The following SGCD variants were observed in gnomAD, a reference collection of about 807,000 sequenced individuals.
SGCD encodes the protein sarcoglycan delta.
SGCD carries 18 observed loss-of-function variants against 36.6 expected under a neutral mutation model. That is an observed-to-expected ratio of 0.49 (90% confidence interval 0.34 to 0.73). The LOEUF (loss-of-function observed/expected upper bound fraction) is 0.73. SGCD is among the 30% of genes least tolerant of loss of function. The pLI is 0.01. For synonymous variants in SGCD, 133 were observed against 130.6 expected, an observed-to-expected ratio of 1.02 and a Z score of -0.12; for missense variants, 387 against 346.7, an observed-to-expected ratio of 1.12 and a Z score of -0.92.
At chr5:155,821,404 A>C in the SGCD span, among the ~76,000 whole-genome samples, 1 of 152,012 alleles carries the variant, frequency 6.6e-6, no homozygotes, top group African/African-American at 2.4e-5. Context: ...AACTCTGCCT[A>C]CCAGGTTCAC....
In SGCD at chr5:155,991,365, A is replaced by G. The variant is rs144472546; in HGVS notation, c.-282+120941A>G. 4.4e-3 allele frequency among the ~76,000 whole-genome samples: 669 copies of G among 152,276 alleles called. 8 individuals are homozygous for G. The highest frequency in any genetic ancestry group is 0.015 in the African/African-American group (607 of 41,542). ...AGCATCTTTGTGTAATTGATGGGTT[A>G]GTATCTCAAGTACCGAGCTGTTTCT... On this transcript the variant is annotated intron_variant, in intron 1 of 9. Transcript: ENST00000517913.
intron 3 of SGCD, among the ~76,000 whole-genome samples, chr5:156,350,528 A>G (rs913408390): frequency 6.6e-6 from 1 of 152,064 alleles, no homozygotes; most frequent in Admixed American, 6.6e-5. Flanking sequence ...GAGCCTTTCC[A>G]GTAAAGCAAT....
chr5:156,581,274 G>C (rs1288616585), intron 4 of SGCD, among the ~76,000 whole-genome samples: 1 of 152,126 alleles, frequency 6.6e-6, no homozygotes, highest in African/African-American at 2.4e-5. Context: ...ATTGCTGCCT[G>C]ATCCTTCTTC....
At chr5:156,465,125 C>T (rs78222569) in intron 3 of SGCD, among the ~76,000 whole-genome samples, 1,987 of 152,068 alleles carry the variant, frequency 0.013, 37 homozygotes, top group African/African-American at 0.043. Flanking sequence ...CAGGGAGGGG[C>T]GTGTGTGATT....
In SGCD at chr5:156,180,520, G is replaced by A. The variant is rs542851406; in HGVS notation, c.-44+56501G>A. The stretch of plus-strand genomic sequence containing the variant: ...TAATAAAAAATCAATATATGCTCCA[G>A]CTACAAATATTAAGAAAATGAAAAT... On this transcript the variant is annotated intron_variant, in intron 3 of 9. Transcript: ENST00000517913. Among the ~76,000 whole-genome samples the A allele has an allele frequency of 2.1e-4, 32 of 152,214 alleles. No homozygotes were observed. The South Asian group carries it at 6.6e-3, about 32-fold the overall frequency.
intron 3 of SGCD, among the ~76,000 whole-genome samples, chr5:156,308,363 A>G (rs1167418047): frequency 6.6e-6 from 1 of 151,314 alleles, no homozygotes; most frequent in Non-Finnish European, 1.5e-5. Context: ...CAGTGGCGCA[A>G]TCTCGGCTCA....
chr5:156,057,827 G>T (rs1760099711), intron 1 of SGCD, among the ~76,000 whole-genome samples: 2 of 145,082 alleles, frequency 1.4e-5, no homozygotes, highest in Admixed American at 6.9e-5. Context: ...GAGTACCTAA[G>T]AATGCTAAAA....
chr5:155,800,762 A>G, the SGCD span, among the ~76,000 whole-genome samples: 1 of 151,678 alleles, frequency 6.6e-6, no homozygotes, highest in Non-Finnish European at 1.5e-5. Context: ...AATTCTTACT[A>G]TTGTCTTTTC....
intron 3 of SGCD, among the ~76,000 whole-genome samples, chr5:156,460,109 A>T (rs1483851584): frequency 6.6e-6 from 1 of 152,144 alleles, no homozygotes. Context: ...GAAGGCAGTT[A>T]ATTTCCTGTT....
At chr5:156,185,989 C>T (rs897255471) in intron 3 of SGCD, among the ~76,000 whole-genome samples, 7 of 148,018 alleles carry the variant, frequency 4.7e-5, no homozygotes, top group Non-Finnish European at 6.0e-5. Context: ...GATCTGTGAT[C>T]GGAATAACGA....
At chr5:156,533,348 A>G (rs1757966600) in intron 4 of SGCD, among the ~76,000 whole-genome samples, 2 of 152,160 alleles carry the variant, frequency 1.3e-5, no homozygotes, top group African/African-American at 4.8e-5. Flanking sequence ...GCATTACAGT[A>G]TCTACTTGGA....
At chr5:156,664,257 G>A (rs1271801237) in intron 7 of SGCD, among the ~76,000 whole-genome samples, 1 of 105,950 alleles carries the variant, frequency 9.4e-6, no homozygotes, top group African/African-American at 4.2e-5. Flanking sequence ...CATATTCTGA[G>A]ATTACATCTG....
chr5:156,144,062 T>G (rs1473464029), intron 3 of SGCD, among the ~76,000 whole-genome samples: 1 of 152,028 alleles, frequency 6.6e-6, no homozygotes, highest in East Asian at 1.9e-4. Flanking sequence ...ACAAAGGACA[T>G]GAACTCTTCA....
chr5:156,044,275 T>A (rs987152254), intron 1 of SGCD, among the ~76,000 whole-genome samples: 1 of 152,208 alleles, frequency 6.6e-6, no homozygotes, highest in Admixed American at 6.5e-5. Context: ...CAACAAAGGC[T>A]GTTGAATGGA....
rs1767335577 is a variant in SGCD at position 156,309,633 on chromosome 5, C to T, written c.-43-19901C>T. ...TTTTTTTTTTTGAGACAGAGTCTCG[C>T]ACTGTCGCCTGGGCTGGAATGCAGT... On this transcript the variant is annotated intron_variant, in intron 3 of 9. Transcript: ENST00000517913. Among the ~76,000 whole-genome samples the T allele has an allele frequency of 2.8e-5, 4 of 142,708 alleles. No homozygotes were observed. In the South Asian group the frequency reaches 8.8e-4, roughly 31 times the overall value. The allele number at this position is 142,708 out of a possible 152,430, so 93.6% of individuals were successfully genotyped here.
intron 7 of SGCD, among the ~76,000 whole-genome samples, chr5:156,648,879 G>C (rs1037770439): frequency 6.6e-6 from 1 of 152,108 alleles, no homozygotes; most frequent in Non-Finnish European, 1.5e-5. Flanking sequence ...CTTCGTGTCT[G>C]TGATGGAAGA....
At chr5:156,542,089 A>G (rs987652403) in intron 4 of SGCD, among the ~76,000 whole-genome samples, 4 of 152,182 alleles carry the variant, frequency 2.6e-5, no homozygotes, top group Non-Finnish European at 5.9e-5. Flanking sequence ...CTAAAAAAAT[A>G]AAGTGTGTTT....
chr5:155,956,518 A>G lies in SGCD; in HGVS notation c.-282+86094A>G, dbSNP rs1025922373. 2.0e-5 allele frequency among the ~76,000 whole-genome samples: 3 copies of G among 152,254 alleles called. 1 individual carries two copies. Among genetic ancestry groups the G allele is most frequent in the South Asian group, 4.1e-4 (2 of 4,820 alleles). On this transcript the variant is annotated intron_variant, in intron 1 of 9. Coordinates refer to the SGCD transcript ENST00000517913. ...TCATCGTCCTGAGGATACTTACTCT[A>G]TTAGTCTCATAGGGCTGCCATAACA...
At chr5:156,054,042 T>G (rs1424689327) in intron 1 of SGCD, among the ~76,000 whole-genome samples, 1 of 145,724 alleles carries the variant, frequency 6.9e-6, no homozygotes, top group African/African-American at 2.5e-5. Flanking sequence ...TTCCGATATA[T>G]GAAATGAGAG....
Sources: gnomAD v4.1 joint callset for allele counts (sites outside exome capture counted in the v4.1 genomes callset) on GRCh38, gnomAD v4.1.1 for gene constraint, MANE v1.5 for transcripts, NCBI Gene and HGNC (gene_info 2026-07-23, HGNC 2026-07-21) for gene names.